Variants in TPX2 observed in about 807,000 individuals in gnomAD.
TPX2 encodes targeting protein for Xklp2.
A neutral mutation model predicts 93.6 loss-of-function variants in TPX2; 21 were observed. That is an observed-to-expected ratio of 0.22 (90% CI 0.16 to 0.32). The LOEUF (loss-of-function observed/expected upper bound fraction) is 0.32, where lower values mean the gene tolerates loss of function less well. Among genes scored for constraint, TPX2 ranks in the 10% least tolerant of loss-of-function variants. The pLI, the probability that TPX2 is intolerant of heterozygous loss-of-function variation, is 1.00. For missense variants in TPX2, 776 were observed against 871.1 expected, an observed-to-expected ratio of 0.89 and a Z score of 1.37; for synonymous variants, 281 against 298.3, an observed-to-expected ratio of 0.94 and a Z score of 0.60.
chr20:31,747,483 G>A (rs1421886265), intron 2 of TPX2, among the ~76,000 whole-genome samples: 2 of 151,230 alleles, frequency 1.3e-5, no homozygotes, highest in Non-Finnish European at 2.9e-5. Flanking sequence ...TCTATCTATC[G>A]TTTTAGTCTT....
At chr20:31,780,606 G>C (rs1238892686) in intron 10 of TPX2, among the ~76,000 whole-genome samples, 1 of 152,064 alleles carries the variant, frequency 6.6e-6, no homozygotes, top group Admixed American at 6.6e-5. Flanking sequence ...CTAAATAATG[G>C]TTACATGTAT....
At chr20:31,751,465 G>C (rs1015445376) in intron 2 of TPX2, among the ~76,000 whole-genome samples, 1 of 152,118 alleles carries the variant, frequency 6.6e-6, no homozygotes, top group African/African-American at 2.4e-5. Context: ...TTTAACCACT[G>C]TCAGTACCAT....
At chr20:31,778,188 G>T (rs1600381713) in intron 9 of TPX2, among the ~76,000 whole-genome samples, 1 of 152,168 alleles carries the variant, frequency 6.6e-6, no homozygotes, top group South Asian at 2.1e-4. Context: ...AAAAATGCTA[G>T]TACTAATAAT....
intron 10 of TPX2, chr20:31,781,055 G>T (rs1480331869): frequency 9.7e-6 from 3 of 309,828 alleles, no homozygotes; most frequent in Non-Finnish European, 1.9e-5. Flanking sequence ...AAGTAATTGG[G>T]ACTATATATA....
chr20:31,789,303 T>TAGTG (rs1218499849), intron 12 of TPX2, among the ~76,000 whole-genome samples: 1 of 152,180 alleles, frequency 6.6e-6, no homozygotes, highest in African/African-American at 2.4e-5. Context: ...GCCCCTAGCA[T>TAGTG]AGTGACCACC....
chr20:31,750,685 A>G (rs111360972), intron 2 of TPX2, among the ~76,000 whole-genome samples: 2 of 152,046 alleles, frequency 1.3e-5, no homozygotes, highest in Admixed American at 6.6e-5. Flanking sequence ...CCAGGTTGGT[A>G]GTTCTATATA....
rs766791195 is a variant in TPX2 at position 31,775,925 on chromosome 20, C to G, written c.667C>G (p.Gln223Glu). The change falls in exon 8 of 18, where the codon CAA (glutamine) becomes GAA (glutamate). Residue 223 changes from glutamine (Q) to glutamate (E), a missense_variant. By Grantham distance (29) the Gln-to-Glu change is conservative. Transcript: ENST00000300403. Reference sequence around the variant, plus strand: ...GCTGGAGAAGAGTATGAAAATGCAGCAAGAGGTGGTGGAGATGCGGAAAAA... The same window carrying G: ...GCTGGAGAAGAGTATGAAAATGCAGGAAGAGGTGGTGGAGATGCGGAAAAA... ...QELEKSMKMQ[Q>E]EVVEMRKKNE... 4 of 1,605,060 alleles carry G rather than the reference C, an allele frequency of 2.5e-6. No individual in the cohort carries two copies. Among genetic ancestry groups the G allele is most frequent in the Admixed American group, 1.7e-5 (1 of 59,204 alleles).
chr20:31,743,735 T>TA (rs1039092604), intron 2 of TPX2, among the ~76,000 whole-genome samples: 13 of 151,388 alleles, frequency 8.6e-5, no homozygotes, highest in African/African-American at 3.2e-4. Flanking sequence ...AGTTTTTTTT[T>TA]TTTTTTTTGA....
chr20:31,794,682 G>A (rs1834267140), intron 15 of TPX2, 134 bp downstream of exon 15: 1 of 1,157,958 alleles, frequency 8.6e-7, no homozygotes, highest in Admixed American at 2.5e-5. Flanking sequence ...TCAGGGGTCA[G>A]CACATTATTT....
At chr20:31,796,596 G>C (rs2092372404) in intron 15 of TPX2, among the ~76,000 whole-genome samples, 1 of 152,024 alleles carries the variant, frequency 6.6e-6, no homozygotes, top group South Asian at 2.1e-4. Context: ...TCCACAATCT[G>C]GATTTTGCTG....
chr20:31,790,940 A>C (rs1486889487), intron 12 of TPX2, among the ~76,000 whole-genome samples: 1 of 152,204 alleles, frequency 6.6e-6, no homozygotes, highest in African/African-American at 2.4e-5. Context: ...GGAGAGATCT[A>C]TTGAAAGGCT....
At chr20:31,748,444 T>C (rs1414808989) in intron 2 of TPX2, among the ~76,000 whole-genome samples, 2 of 152,216 alleles carry the variant, frequency 1.3e-5, no homozygotes, top group Non-Finnish European at 2.9e-5. Flanking sequence ...AATGGATTTT[T>C]TAAAAAATTT....
intron 12 of TPX2, among the ~76,000 whole-genome samples, chr20:31,788,687 T>C (rs900213893): frequency 6.6e-6 from 1 of 151,924 alleles, no homozygotes; most frequent in East Asian, 1.9e-4. Flanking sequence ...GAGGCAGAAA[T>C]GAGAAAAGGA....
intron 2 of TPX2, among the ~76,000 whole-genome samples, chr20:31,755,826 C>T (rs892759441): frequency 4.0e-5 from 6 of 151,746 alleles, no homozygotes; most frequent in African/African-American, 1.5e-4. Flanking sequence ...CTGAGTGTGG[C>T]CTTTAGGCTA....
chr20:31,779,014 T>C, intron 10 of TPX2, 30 bp downstream of exon 10: 1 of 1,533,334 alleles, frequency 6.5e-7, no homozygotes, highest in African/African-American at 1.4e-5. Context: ...CACAGTTGGA[T>C]GGAACCTCTC....
chr20:31,798,244 G>A, intron 16 of TPX2, 121 bp from the exon 17 acceptor site: 2 of 1,259,448 alleles, frequency 1.6e-6, no homozygotes, highest in Non-Finnish European at 2.3e-6. Context: ...TCCCAATGGG[G>A]CTTGTTTAGA....
intron 13 of TPX2, 86 bp from the exon 14 acceptor site, chr20:31,793,751 TAATGCCACATA>T: frequency 8.4e-7 from 1 of 1,196,252 alleles, no homozygotes; most frequent in Non-Finnish European, 1.1e-6. Flanking sequence ...TTGTTTTAAT[TAATGCCACATA>T]TTAATATAAT....
chr20:31,743,513 G>A (rs1358818671), intron 2 of TPX2, among the ~76,000 whole-genome samples: 1 of 151,922 alleles, frequency 6.6e-6, no homozygotes, highest in Non-Finnish European at 1.5e-5. Context: ...TAGTGGCACC[G>A]TGTCTCTACA....
intron 5 of TPX2, among the ~76,000 whole-genome samples, chr20:31,767,512 A>G (rs2061935556): frequency 6.6e-6 from 1 of 152,132 alleles, no homozygotes; most frequent in South Asian, 2.1e-4. Flanking sequence ...TGCTGAGACT[A>G]TATAGGCATA....
Sources: gnomAD v4.1 joint callset for allele counts (sites outside exome capture counted in the v4.1 genomes callset) on GRCh38, gnomAD v4.1.1 for gene constraint, MANE v1.5 for transcripts, NCBI Gene and HGNC (gene_info 2026-07-23, HGNC 2026-07-21) for gene names.